The following RGS20 variants were observed in gnomAD, a reference collection of about 807,000 sequenced individuals.
The protein encoded by RGS20 is gz-selective GTPase-activating protein.
Under a neutral mutation model 33.6 loss-of-function variants are expected in RGS20, and 30 were observed. That is an observed-to-expected ratio of 0.89 (90% CI 0.67 to 1.21). RGS20 has a LOEUF of 1.21. Ranked by LOEUF, RGS20 falls within the 50% of genes most tolerant of loss-of-function variation. The pLI is 0.00. For synonymous variants in RGS20, 208 were observed against 197.9 expected (o/e 1.05, Z -0.43); for missense variants, 472 against 502.4 (o/e 0.94, Z 0.58).
chr8:53,924,067 G>A (rs1262891900), intron 2 of RGS20, among the ~76,000 whole-genome samples: 1 of 151,890 alleles, frequency 6.6e-6, no homozygotes, highest in East Asian at 1.9e-4. Context: ...GCCCAGGCCG[G>A]AGTGCAATGG....
At chr8:53,909,209 G>A (rs13275454) in intron 2 of RGS20, among the ~76,000 whole-genome samples, 1,609 of 43,594 alleles carry the variant, frequency 0.037, 131 homozygotes, top group South Asian at 0.083. Flanking sequence ...TGGTATGTGT[G>A]TATATATATA....
chr8:53,872,788 C>T (rs1349812446), intron 1 of RGS20, among the ~76,000 whole-genome samples: 1 of 152,128 alleles, frequency 6.6e-6, no homozygotes, highest in Non-Finnish European at 1.5e-5. Flanking sequence ...CTCTGCCGTC[C>T]TTCCTCCCTG....
At chr8:53,862,443 T>G (rs1471978696) in intron 1 of RGS20, among the ~76,000 whole-genome samples, 1 of 152,120 alleles carries the variant, frequency 6.6e-6, no homozygotes, top group Non-Finnish European at 1.5e-5. Context: ...GTGATGCAAA[T>G]CCTGCTGGCT....
intron 2 of RGS20, chr8:53,933,547 A>G (rs1814038037): frequency 6.6e-6 from 1 of 152,234 alleles, no homozygotes; most frequent in Non-Finnish European, 1.5e-5. Flanking sequence ...AAGTGTGAAG[A>G]CAAGATTAGA....
At chr8:53,909,396 C>T (rs940411240) in intron 2 of RGS20, among the ~76,000 whole-genome samples, 11 of 151,256 alleles carry the variant, frequency 7.3e-5, no homozygotes, top group South Asian at 4.2e-4. Context: ...ACTATAGGCC[C>T]GCACCACCAT....
chr8:53,917,662 G>A lies in RGS20; in HGVS notation c.511-21914G>A, dbSNP rs764004868. On this transcript the variant is annotated intron_variant, in intron 2 of 5. Transcript: ENST00000297313. ...TTCATACCTGTTGTCCCAGCACTTT[G>A]GGAAGCCAAGGTAGGAGGATCACTT... 2.0e-5 allele frequency among the ~76,000 whole-genome samples: 3 copies of A among 152,128 alleles called. No individual in the cohort carries two copies. The East Asian group carries it at 5.8e-4, about 29-fold the overall frequency.
intron 2 of RGS20, among the ~76,000 whole-genome samples, chr8:53,928,941 G>A (rs183027934): frequency 1.3e-5 from 2 of 152,250 alleles, no homozygotes; most frequent in Non-Finnish European, 2.9e-5. Context: ...ACAAATAGTA[G>A]TACATCCATA....
chr8:53,954,689 CTTTT>C (rs139245547), intron 5 of RGS20, among the ~76,000 whole-genome samples: 4 of 131,158 alleles, frequency 3.0e-5, no homozygotes, highest in Non-Finnish European at 1.7e-5. Context: ...AAGTAATTGC[CTTTT>C]TTTTTTTTTT....
At chr8:53,890,193 CTG>C (rs1481618464) in intron 2 of RGS20, among the ~76,000 whole-genome samples, 2 of 152,026 alleles carry the variant, frequency 1.3e-5, no homozygotes, top group African/African-American at 4.8e-5. Context: ...TTCTGTTGAC[CTG>C]TGTTTTAGTT....
intron 2 of RGS20, among the ~76,000 whole-genome samples, chr8:53,902,127 C>T (rs1203439201): frequency 1.3e-5 from 2 of 152,136 alleles, no homozygotes; most frequent in African/African-American, 4.8e-5. Flanking sequence ...AAGGAATTCT[C>T]CCACCTAAGC....
At chr8:53,902,044 G>A (rs552732261) in intron 2 of RGS20, among the ~76,000 whole-genome samples, 1 of 151,832 alleles carries the variant, frequency 6.6e-6, no homozygotes, top group Non-Finnish European at 1.5e-5. Flanking sequence ...TTGAGTCAGG[G>A]TCTCGCTCTG....
At chr8:53,894,502 G>A (rs1812799890) in intron 2 of RGS20, among the ~76,000 whole-genome samples, 1 of 152,188 alleles carries the variant, frequency 6.6e-6, no homozygotes, top group African/African-American at 2.4e-5. Context: ...ATGCCCTGGA[G>A]TTTCTATTAG....
In RGS20 at chr8:53,877,974, C is replaced by T. The variant is rs1243909561; in HGVS notation, c.166-1284C>T. 2.6e-5 allele frequency among the ~76,000 whole-genome samples: 4 copies of T among 152,194 alleles called. No homozygotes were observed. Among genetic ancestry groups the T allele is most frequent in the African/African-American group, 7.2e-5 (3 of 41,454 alleles). On this transcript the variant is annotated intron_variant, in intron 1 of 5. Transcript: ENST00000297313. This position sits in a 1 kb window ranked among gnomAD's most constrained non-coding sequence, Gnocchi z 5.7. ...AGGGAACCGCGCCAGGCCCACGAGG[C>T]CGCTCGCGACCGCTCCCGCCTTCAG...
intron 3 of RGS20, among the ~76,000 whole-genome samples, chr8:53,942,715 G>A (rs780708376): frequency 3.3e-5 from 5 of 151,972 alleles, no homozygotes; most frequent in South Asian, 2.1e-4. Flanking sequence ...TAAGTTAGGC[G>A]TGGTGGCTTA....
chr8:53,879,173 A>C, intron 1 of RGS20: 2 of 1,127,806 alleles, frequency 1.8e-6, no homozygotes, highest in Non-Finnish European at 2.6e-6. Context: ...GTAACGCTTC[A>C]AAATTCTGTA....
At chr8:53,938,866 G>A (rs1444790457) in intron 2 of RGS20, among the ~76,000 whole-genome samples, 1 of 152,174 alleles carries the variant, frequency 6.6e-6, no homozygotes, top group African/African-American at 2.4e-5. Context: ...CGTATGGCTT[G>A]GCCTCCATTG....
chr8:53,953,990 A>G (rs941731300), intron 4 of RGS20, 86 bp from the exon 4 acceptor site: 3 of 913,252 alleles, frequency 3.3e-6, no homozygotes, highest in African/African-American at 1.6e-5. Flanking sequence ...TTCTTGGAGG[A>G]GGAAAAGATA....
In RGS20 at chr8:53,881,118, C is replaced by G. The variant is rs191315948; in HGVS notation, c.510+1516C>G. The G allele has an allele frequency of 2.3e-3, 3,270 of 1,448,468 alleles. 9 individuals carry two copies. Among genetic ancestry groups the G allele is most frequent in the Non-Finnish European group, 2.7e-3 (2,948 of 1,095,894 alleles). The allele number at this position is 1,448,468 out of a possible 1,614,324, so 89.7% of individuals were successfully genotyped here. A position where few individuals can be genotyped will look rare whatever the true frequency, so the allele number is the denominator to read the frequency against. ...CCCAGTTCCTCGAACTCTCTTTCTTCGTCTCGGGCTCGCCCTGAGGCTTCG... is the reference window on the plus strand; with the variant it reads ...CCCAGTTCCTCGAACTCTCTTTCTTGGTCTCGGGCTCGCCCTGAGGCTTCG... On this transcript the variant is annotated intron_variant, in intron 2 of 5. Coordinates refer to ENST00000297313, the MANE Select transcript of RGS20 (RefSeq NM_170587.4).
At chr8:53,925,791 G>A (rs1458841053) in intron 2 of RGS20, among the ~76,000 whole-genome samples, 3 of 152,006 alleles carry the variant, frequency 2.0e-5, no homozygotes, top group Non-Finnish European at 4.4e-5. Context: ...TCTAAAGCAG[G>A]GAACAGCTAG....
Sources: gnomAD v4.1 joint callset for allele counts (sites outside exome capture counted in the v4.1 genomes callset) on GRCh38, gnomAD v4.1.1 for gene constraint, Gnocchi (gnomAD v3.1) non-coding constraint, MANE v1.5 for transcripts, NCBI Gene and HGNC (gene_info 2026-07-23, HGNC 2026-07-21) for gene names.